The following DCC variants were observed in gnomAD, a reference collection of about 807,000 sequenced individuals.
DCC encodes the protein DCC netrin 1 receptor.
Under a neutral mutation model 172.5 loss-of-function variants are expected in DCC, and 58 were observed. That is an observed-to-expected ratio of 0.34 (90% CI 0.27 to 0.42). The LOEUF (loss-of-function observed/expected upper bound fraction) is 0.42. DCC is among the 10% of genes least tolerant of loss of function. DCC has a pLI of 1.00. For synonymous variants in DCC, 709 were observed against 644.5 expected, an observed-to-expected ratio of 1.10 and a Z score of -1.52; for missense variants, 1,740 against 1,791.0, an observed-to-expected ratio of 0.97 and a Z score of 0.51.
chr18:52,655,910 A>G (rs2035233795), intron 1 of DCC, among the ~76,000 whole-genome samples: 1 of 151,368 alleles, frequency 6.6e-6, no homozygotes, highest in African/African-American at 2.4e-5. Context: ...ATGAATTGCC[A>G]ATGCTCAGCA....
At chr18:53,244,862 A>T (rs1268219403) in intron 12 of DCC, among the ~76,000 whole-genome samples, 1 of 152,250 alleles carries the variant, frequency 6.6e-6, no homozygotes, top group East Asian at 1.9e-4. Context: ...TCTATGAGAT[A>T]CCCAAATTTA....
At chr18:52,810,426 G>A (rs1170471081) in intron 2 of DCC, among the ~76,000 whole-genome samples, 1 of 152,174 alleles carries the variant, frequency 6.6e-6, no homozygotes, top group Non-Finnish European at 1.5e-5. Flanking sequence ...TACCAATCTG[G>A]CAGTTCCTGA....
At chr18:52,635,330 T>C (rs1023273965) in intron 1 of DCC, among the ~76,000 whole-genome samples, 1 of 152,184 alleles carries the variant, frequency 6.6e-6, no homozygotes, top group Non-Finnish European at 1.5e-5. Flanking sequence ...TGAACAACCT[T>C]TGCCCTACGC....
In DCC at chr18:52,538,973, G is replaced by A. The variant is rs539883102; in HGVS notation, c.91+198095G>A. On this transcript the variant is annotated intron_variant, in intron 1 of 28. Transcript: ENST00000442544. Reference sequence around the variant, plus strand: ...TACTGAGGTTGGTTAGCTGGTCTGAGGCTGATAGACATGTGAGTAAAAATA... The same window carrying A: ...TACTGAGGTTGGTTAGCTGGTCTGAAGCTGATAGACATGTGAGTAAAAATA... Among the ~76,000 whole-genome samples, 10 of 152,296 alleles carry A rather than the reference G, an allele frequency of 6.6e-5. No individual in the cohort carries two copies. The South Asian group carries it at 1.7e-3, about 25-fold the overall frequency.
At position 53,167,438 on chromosome 18, in the gene DCC, G is replaced by T. The variant is rs142923008; in HGVS notation, c.1418+9926G>T. On this transcript the variant is annotated intron_variant, in intron 8 of 28. Coordinates refer to ENST00000442544, the MANE Select transcript of DCC (RefSeq NM_005215.4). ...TTAAGTAGATCCCACTCTCCATTAC[G>T]GATAATGAAATCAAGACCCAGGAAG... 3.7e-3 allele frequency among the ~76,000 whole-genome samples: 556 copies of T among 152,138 alleles called. 2 individuals are homozygous for T. The highest frequency in any genetic ancestry group is 0.012 in the African/African-American group (491 of 41,516).
At chr18:52,883,494 G>T (rs1014150034) in intron 2 of DCC, among the ~76,000 whole-genome samples, 1 of 150,732 alleles carries the variant, frequency 6.6e-6, no homozygotes, top group Non-Finnish European at 1.5e-5. Context: ...TTCAATTTGA[G>T]GTTACCATGA....
intron 1 of DCC, among the ~76,000 whole-genome samples, chr18:52,533,035 G>T (rs1204248256): frequency 6.6e-6 from 1 of 151,994 alleles, no homozygotes; most frequent in Non-Finnish European, 1.5e-5. Flanking sequence ...ATATGTACAG[G>T]ATTATAAAAT....
chr18:52,513,683 C>T (rs188087735), intron 1 of DCC, among the ~76,000 whole-genome samples: 145 of 152,116 alleles, frequency 9.5e-4, no homozygotes, highest in African/African-American at 3.4e-3. Flanking sequence ...AAACTAGGTC[C>T]CTTTCCTCCA....
At chr18:52,393,808 C>A (rs1268479700) in intron 1 of DCC, among the ~76,000 whole-genome samples, 1 of 152,038 alleles carries the variant, frequency 6.6e-6, no homozygotes, top group Non-Finnish European at 1.5e-5. Context: ...AATATCTGGG[C>A]TCCAACCACA....
chr18:52,638,597 T>G (rs946842395), intron 1 of DCC, among the ~76,000 whole-genome samples: 8 of 152,150 alleles, frequency 5.3e-5, no homozygotes, highest in African/African-American at 1.7e-4. Flanking sequence ...CATTATATAA[T>G]GGTAAAAGGC....
At chr18:53,332,816 A>G (rs528490540) in intron 14 of DCC, among the ~76,000 whole-genome samples, 24 of 152,314 alleles carry the variant, frequency 1.6e-4, no homozygotes, top group African/African-American at 5.3e-4. Context: ...ATTACCACTA[A>G]GTAAATGTTG....
chr18:53,015,691 A>G (rs1314335161), intron 5 of DCC, among the ~76,000 whole-genome samples: 1 of 152,132 alleles, frequency 6.6e-6, no homozygotes, highest in African/African-American at 2.4e-5. Context: ...CTTCGTCTAC[A>G]ATAGAGATCG....
chr18:53,155,204 A>G (rs991370117), intron 7 of DCC, among the ~76,000 whole-genome samples: 3 of 152,016 alleles, frequency 2.0e-5, no homozygotes, highest in African/African-American at 7.3e-5. Flanking sequence ...TATTTCCACT[A>G]CCCAGATGAA....
intron 7 of DCC, among the ~76,000 whole-genome samples, chr18:53,123,340 A>G (rs569057725): frequency 1.0e-3 from 158 of 152,094 alleles, no homozygotes; most frequent in Non-Finnish European, 1.6e-3. Flanking sequence ...AACAATATAG[A>G]CAAGACCTAC....
chr18:52,387,821 T>G (rs1387608981), intron 1 of DCC, among the ~76,000 whole-genome samples: 1 of 152,104 alleles, frequency 6.6e-6, no homozygotes, highest in Non-Finnish European at 1.5e-5. Context: ...CCAAAAGAAC[T>G]CTTTTTCTCT....
At chr18:52,777,618 G>A (rs2037457517) in intron 2 of DCC, among the ~76,000 whole-genome samples, 1 of 151,980 alleles carries the variant, frequency 6.6e-6, no homozygotes, top group Non-Finnish European at 1.5e-5. Context: ...TTTGGTGGTG[G>A]GGACAATATT....
intron 3 of DCC, among the ~76,000 whole-genome samples, chr18:52,917,187 A>G (rs1248552837): frequency 6.6e-6 from 1 of 151,122 alleles, no homozygotes; most frequent in Non-Finnish European, 1.5e-5. Flanking sequence ...GGACGTAGTG[A>G]CATGTGCCTG....
chr18:52,660,736 C>T (rs2035343423), intron 1 of DCC, among the ~76,000 whole-genome samples: 1 of 152,166 alleles, frequency 6.6e-6, no homozygotes. Context: ...GAGACAAATA[C>T]AATTTTACAG....
intron 5 of DCC, among the ~76,000 whole-genome samples, chr18:53,030,718 T>C (rs2042015284): frequency 6.6e-6 from 1 of 152,202 alleles, no homozygotes; most frequent in African/African-American, 2.4e-5. Flanking sequence ...GGCATCATCC[T>C]GGTGGGAGAA....
Sources: allele counts gnomAD v4.1 joint callset (sites outside exome capture counted in the v4.1 genomes callset), GRCh38; gene constraint gnomAD v4.1.1; transcripts MANE v1.5; gene names NCBI Gene and HGNC (gene_info 2026-07-23, HGNC 2026-07-21).